Variants in ARHGEF17 observed in about 807,000 individuals in gnomAD.
ARHGEF17 encodes the protein Rho guanine nucleotide exchange factor 17, also known as 164 kDa Rho-specific guanine-nucleotide exchange factor.
Under a neutral mutation model 174.0 loss-of-function variants are expected in ARHGEF17, and 80 were observed. The ratio of observed to expected loss-of-function variants is 0.46; its 90% confidence interval spans 0.38 to 0.55. The LOEUF is 0.55. Ranked by LOEUF, ARHGEF17 falls within the 20% of genes least tolerant of loss-of-function variation. ARHGEF17 has a pLI of 0.00. For missense variants in ARHGEF17, 2,886 were observed against 2,839.7 expected (o/e 1.02, Z -0.37); for synonymous variants, 1,311 against 1,189.1 (o/e 1.10, Z -2.11).
Position 73,310,877 on chromosome 11 carries a change from T to G in ARHGEF17, c.2239T>G (p.Ser747Ala). The change falls in exon 1 of 21, where the codon TCT becomes GCT. Residue 747 changes from serine (S) to alanine (A), a missense_variant. Physicochemically the swap from Ser to Ala is moderately conservative, Grantham distance 99 (BLOSUM62 1). Around this residue, in one of 4 missense-constraint regions of ARHGEF17, gnomAD observed 1,728 missense variants for 1,461.2 expected, o/e 1.18. Transcript: ENST00000263674. ...PIPQRHRAAT[S>A]EEPTGFSVDS... Reference sequence around the variant, plus strand: ...TCCTCAGCGCCACCGGGCTGCCACCTCTGAAGAGCCTACTGGGTTCTCTGT... The same window carrying G: ...TCCTCAGCGCCACCGGGCTGCCACCGCTGAAGAGCCTACTGGGTTCTCTGT... The G allele has an allele frequency of 6.2e-7, 1 of 1,612,350 alleles. No homozygotes were observed. Among genetic ancestry groups the G allele is most frequent in the South Asian group, 1.1e-5 (1 of 91,038 alleles).
chr11:73,319,332 A>C (rs1029311247), intron 1 of ARHGEF17, among the ~76,000 whole-genome samples: 1 of 151,930 alleles, frequency 6.6e-6, no homozygotes, highest in African/African-American at 2.4e-5. Flanking sequence ...AAAGTGCTGG[A>C]ATTACAGGCG....
intron 18 of ARHGEF17, chr11:73,364,826 C>A: frequency 1.8e-6 from 1 of 542,598 alleles, no homozygotes; most frequent in Non-Finnish European, 3.1e-6. Context: ...GAATCTTATT[C>A]ATCCTCCTGC....
intron 16 of ARHGEF17, 77 bp from the exon 17 acceptor site, chr11:73,364,095 T>G: frequency 6.9e-7 from 1 of 1,446,452 alleles, no homozygotes; most frequent in Non-Finnish European, 9.7e-7. Context: ...ACCCATTCTA[T>G]CTGTGGTTCC....
Position 73,362,024 on chromosome 11 carries a change from T to C in ARHGEF17, c.4495-16T>C, listed in dbSNP as rs1591761845. The C allele has an allele frequency of 1.2e-5, 19 of 1,607,778 alleles. No homozygotes were observed. Among genetic ancestry groups the C allele is most frequent in the Non-Finnish European group, 1.6e-5 (19 of 1,176,002 alleles). ...TCCTCCATTCACCTTCTCCTGTCCA[T>C]TGGCGCCTCCTGCAGTTCTCCTGTG... On this transcript the variant is annotated splice_polypyrimidine_tract_variant and intron_variant, in intron 12 of 20. Coordinates refer to ENST00000263674, the MANE Select transcript of ARHGEF17 (RefSeq NM_014786.4).
At position 73,311,487 on chromosome 11, in the gene ARHGEF17, C is replaced by T. The variant is rs763322435; in HGVS notation, c.2849C>T (p.Ala950Val). The T allele has an allele frequency of 5.6e-6, 9 of 1,613,050 alleles. No homozygotes were observed. Among genetic ancestry groups the T allele is most frequent in the Non-Finnish European group, 7.6e-6 (9 of 1,180,048 alleles). Residue 950 changes from alanine to valine, a missense_variant, in exon 1 of 21, where the codon GCC becomes GTC. Around this residue, in one of 4 missense-constraint regions of ARHGEF17, gnomAD observed 1,728 missense variants for 1,461.2 expected, o/e 1.18. Coordinates refer to ENST00000263674, the MANE Select transcript of ARHGEF17 (RefSeq NM_014786.4). Reference protein sequence around the residue: ...SQDQTGSLSRARPSSRHVRHA... With the variant: ...SQDQTGSLSRVRPSSRHVRHA... The stretch of plus-strand genomic sequence containing the variant: ...GACCAGACTGGCAGCCTGTCTCGGG[C>T]CCGGCCCTCCTCCAGACACGTTCGC...
chr11:73,320,172 G>T (rs975350850), intron 1 of ARHGEF17, among the ~76,000 whole-genome samples: 1 of 152,044 alleles, frequency 6.6e-6, no homozygotes, highest in Non-Finnish European at 1.5e-5. Flanking sequence ...TCCCTGAGAG[G>T]CCTAGGGAGG....
At chr11:73,322,800 T>C (rs1865037137) in intron 1 of ARHGEF17, among the ~76,000 whole-genome samples, 1 of 152,062 alleles carries the variant, frequency 6.6e-6, no homozygotes, top group African/African-American at 2.4e-5. Context: ...CTGGGAGCAC[T>C]GCCAGCTTTG....
intron 1 of ARHGEF17, among the ~76,000 whole-genome samples, chr11:73,322,761 T>A (rs929999617): frequency 4.0e-5 from 6 of 151,724 alleles, no homozygotes; most frequent in Admixed American, 3.9e-4. Context: ...CTCTGCCAGC[T>A]CCCCTCTCCC....
intron 1 of ARHGEF17, among the ~76,000 whole-genome samples, chr11:73,333,922 G>T (rs1865248436): frequency 6.6e-6 from 1 of 152,204 alleles, no homozygotes; most frequent in Non-Finnish European, 1.5e-5. Flanking sequence ...CTTCAAGAGA[G>T]GATTGAACAT....
At chr11:73,323,706 C>G (rs1038598122) in intron 1 of ARHGEF17, among the ~76,000 whole-genome samples, 1 of 152,214 alleles carries the variant, frequency 6.6e-6, no homozygotes, top group African/African-American at 2.4e-5. Flanking sequence ...TTGCCTGGGG[C>G]GGGTGAGGAA....
At chr11:73,363,916 C>G in intron 16 of ARHGEF17, 83 bp downstream of exon 16, 4 of 1,410,228 alleles carry the variant, frequency 2.8e-6, no homozygotes, top group Non-Finnish European at 3.9e-6. Context: ...GGTCCCCCTG[C>G]TCTACTGTCC....
Position 73,310,762 on chromosome 11 carries a change from A to G in ARHGEF17, c.2124A>G (p.Arg708=). The change falls in exon 1 of 21, where the codon CGA becomes CGG. Residue 708 remains arginine (R), a synonymous_variant. Transcript: ENST00000263674. ...CTCCCACACCAGGTGCCCTCCGCCG[A>G]CGACGCAAAGTCCCACCTTCAGGTT... The part of the protein sequence containing the change: ...ETPPTPGALR[R]RRKVPPSGSG... 6.2e-7 allele frequency: 1 copy of G among 1,611,388 alleles called. No individual in the cohort carries two copies. Among genetic ancestry groups the G allele is most frequent in the Non-Finnish European group, 8.5e-7 (1 of 1,178,632 alleles).
At chr11:73,346,835 T>G (rs1591748248) in intron 1 of ARHGEF17, 48 bp from the exon 2 acceptor site, 1 of 1,388,312 alleles carries the variant, frequency 7.2e-7, no homozygotes. Context: ...GGTGATGGGG[T>G]CTGGGGGGAA....
chr11:73,342,505 G>C (rs1865386174), intron 1 of ARHGEF17, among the ~76,000 whole-genome samples: 1 of 152,162 alleles, frequency 6.6e-6, no homozygotes, highest in African/African-American at 2.4e-5. Flanking sequence ...GTTCGTTTCT[G>C]TCAAGGTTCA....
chr11:73,328,096 TG>T (rs1865133395), intron 1 of ARHGEF17, among the ~76,000 whole-genome samples: 1 of 151,850 alleles, frequency 6.6e-6, no homozygotes, highest in Admixed American at 6.5e-5. Context: ...TAAAACAAGT[TG>T]GAAGGGAGGG....
Position 73,356,173 on chromosome 11 carries a change from A to G in ARHGEF17, c.3664-2A>G. The G allele has an allele frequency of 6.2e-7, 1 of 1,613,796 alleles. No individual in the cohort carries two copies. Among genetic ancestry groups the G allele is most frequent in the Non-Finnish European group, 8.5e-7 (1 of 1,179,938 alleles). On this transcript the variant is annotated splice_acceptor_variant, in intron 5 of 20. Transcript: ENST00000263674. LOFTEE classifies it high-confidence loss of function. ...CAGGTCTGCTCCCCATTCCCACCCCAGGACCTCCTGAAGCATACACCTGAG... is the reference window on the plus strand; with the variant it reads ...CAGGTCTGCTCCCCATTCCCACCCCGGGACCTCCTGAAGCATACACCTGAG...
In ARHGEF17 at chr11:73,331,668, G is replaced by A. The variant is rs1314831222; in HGVS notation, c.3193-15215G>A. ...GTCAGACTCAGCTGGCTTCTCATTTGTTTTCCAAAGGAGAAAATGGAAAAG... is the reference window on the plus strand; with the variant it reads ...GTCAGACTCAGCTGGCTTCTCATTTATTTTCCAAAGGAGAAAATGGAAAAG... On this transcript the variant is annotated intron_variant, in intron 1 of 20. Coordinates refer to ENST00000263674, the MANE Select transcript of ARHGEF17 (RefSeq NM_014786.4). Among the ~76,000 whole-genome samples the A allele has an allele frequency of 2.6e-5, 4 of 152,228 alleles. No individual in the cohort carries two copies. In the South Asian group the frequency reaches 8.3e-4, roughly 32 times the overall value.
Position 73,352,904 on chromosome 11 carries a change from C to T in ARHGEF17, c.3345C>T (p.Asp1115=), listed in dbSNP as rs1019628123. ...CTTCACTGGTGGACGAGATCTTCGA[C>T]CAGATCCCCGAGCTCCTGGAGCACC... ...CDPSLVDEIF[D]QIPELLEHHE... The change falls in exon 3 of 21, where the codon GAC becomes GAT. Residue 1115 remains aspartate (D), a synonymous_variant. Transcript: ENST00000263674. 1 of 1,614,138 alleles carries T rather than the reference C, an allele frequency of 6.2e-7. No individual in the cohort carries two copies. Among genetic ancestry groups the T allele is most frequent in the Non-Finnish European group, 8.5e-7 (1 of 1,180,042 alleles).
At chr11:73,351,295 A>T (rs1334358533) in intron 2 of ARHGEF17, among the ~76,000 whole-genome samples, 1 of 151,498 alleles carries the variant, frequency 6.6e-6, no homozygotes, top group African/African-American at 2.5e-5. Context: ...TTATTGCAAC[A>T]TCACATATGC....
Sources: gnomAD v4.1 joint callset for allele counts (sites outside exome capture counted in the v4.1 genomes callset) on GRCh38, gnomAD v4.1.1 for gene constraint, gnomAD v4.1.1 regional missense constraint, MANE v1.5 for transcripts, NCBI Gene and HGNC (gene_info 2026-07-23, HGNC 2026-07-21) for gene names.